The following ADAMTSL1 variants were observed in gnomAD, a reference collection of about 807,000 sequenced individuals.
ADAMTSL1 encodes the protein ADAMTS like 1.
In ADAMTSL1, 126 loss-of-function variants were observed where a neutral mutation model predicts 201.8. The ratio of observed to expected loss-of-function variants is 0.62; its 90% CI spans 0.54 to 0.72. ADAMTSL1 has a LOEUF of 0.72. ADAMTSL1 is among the 30% of genes least tolerant of loss of function. ADAMTSL1 has a pLI of 0.00. For missense variants in ADAMTSL1, 2,679 were observed against 2,277.8 expected (o/e 1.18, Z -3.59); for synonymous variants, 1,121 against 903.4 (o/e 1.24, Z -4.32).
At chr9:18,411,544 T>G (rs1024666075) in intron 2 of ADAMTSL1, among the ~76,000 whole-genome samples, 1 of 152,170 alleles carries the variant, frequency 6.6e-6, no homozygotes, top group Non-Finnish European at 1.5e-5. Context: ...ATTTTTTCAA[T>G]CAGTTCAAAA....
chr9:18,113,037 G>A (rs1026703362), intron 1 of ADAMTSL1, among the ~76,000 whole-genome samples: 1 of 152,144 alleles, frequency 6.6e-6, no homozygotes, highest in African/African-American at 2.4e-5. Context: ...TTTAAAAAAG[G>A]GAGTTAGCTA....
intron 19 of ADAMTSL1, among the ~76,000 whole-genome samples, chr9:18,789,128 C>T (rs1304450818): frequency 6.6e-6 from 1 of 152,136 alleles, no homozygotes; most frequent in African/African-American, 2.4e-5. Flanking sequence ...CTCATTTCCC[C>T]ATGTCTTCAC....
At chr9:18,718,999 G>C (rs1344775244) in intron 14 of ADAMTSL1, among the ~76,000 whole-genome samples, 1 of 152,180 alleles carries the variant, frequency 6.6e-6, no homozygotes, top group Non-Finnish European at 1.5e-5. Flanking sequence ...GGGATAGAAA[G>C]CTACATCCAG....
At chr9:17,946,983 G>A (rs1827515585) in intron 1 of ADAMTSL1, among the ~76,000 whole-genome samples, 1 of 151,966 alleles carries the variant, frequency 6.6e-6, no homozygotes, top group African/African-American at 2.4e-5. Context: ...TTACAAAATA[G>A]TTCTACAAGT....
At chr9:18,890,862 A>C in intron 25 of ADAMTSL1, 1 of 292,402 alleles carries the variant, frequency 3.4e-6, no homozygotes. Context: ...TGAAGAAGAG[A>C]TCTTTGATGT....
chr9:18,222,328 T>C lies in ADAMTSL1; in HGVS notation c.207+58347T>C, dbSNP rs569924741. 2.6e-4 allele frequency among the ~76,000 whole-genome samples: 40 copies of C among 152,016 alleles called. No individual in the cohort carries two copies. In the South Asian group the frequency reaches 8.3e-3, roughly 32 times the overall value. Reference sequence around the variant, plus strand: ...ATTTTCATAATTTCTATTTTATCTGTTACTTTTTTGTTGCTACCTTTGGCT... The same window carrying C: ...ATTTTCATAATTTCTATTTTATCTGCTACTTTTTTGTTGCTACCTTTGGCT... On this transcript the variant is annotated intron_variant, in intron 2 of 29. Coordinates refer to the ADAMTSL1 transcript ENST00000680146.
intron 23 of ADAMTSL1, among the ~76,000 whole-genome samples, chr9:18,875,622 T>G (rs1406552486): frequency 6.6e-6 from 1 of 152,202 alleles, no homozygotes; most frequent in Non-Finnish European, 1.5e-5. Context: ...GTACTTGATA[T>G]AATTTTGATT....
intron 15 of ADAMTSL1, among the ~76,000 whole-genome samples, chr9:18,728,535 A>G (rs541560277): frequency 6.6e-6 from 1 of 152,326 alleles, no homozygotes; most frequent in South Asian, 2.1e-4. Flanking sequence ...GGATAACGAG[A>G]AGACAAAACC....
chr9:18,722,850 C>G (rs1342712047), intron 15 of ADAMTSL1, among the ~76,000 whole-genome samples: 1 of 152,218 alleles, frequency 6.6e-6, no homozygotes, highest in African/African-American at 2.4e-5. Context: ...AAGATAGAGT[C>G]AAAGTCAGGT....
intron 28 of ADAMTSL1, chr9:18,907,703 T>G (rs2131631364): frequency 6.5e-6 from 1 of 152,716 alleles, no homozygotes; most frequent in East Asian, 1.9e-4. Context: ...CGCTGGGGGA[T>G]GGATGATCTT....
intron 2 of ADAMTSL1, among the ~76,000 whole-genome samples, chr9:18,264,237 A>G (rs73643211): frequency 0.041 from 6,290 of 152,212 alleles, 450 homozygotes; most frequent in African/African-American, 0.14. Context: ...ACCTTCAAAT[A>G]TAGTTTCTTT....
intron 7 of ADAMTSL1, among the ~76,000 whole-genome samples, chr9:18,648,621 G>A (rs1587793841): frequency 6.6e-6 from 1 of 151,508 alleles, no homozygotes; most frequent in Non-Finnish European, 1.5e-5. Flanking sequence ...TGTCTATAAA[G>A]TATTTTATTT....
chr9:18,204,254 G>A (rs943864655), intron 2 of ADAMTSL1, among the ~76,000 whole-genome samples: 2 of 152,086 alleles, frequency 1.3e-5, no homozygotes, highest in Non-Finnish European at 2.9e-5. Flanking sequence ...GATCATGGGG[G>A]TGGTTTCCCT....
At chr9:18,635,838 A>T in intron 5 of ADAMTSL1, 105 bp from the exon 6 acceptor site, 1 of 906,622 alleles carries the variant, frequency 1.1e-6, no homozygotes, top group Non-Finnish European at 1.7e-6. Context: ...CACTTAAAAA[A>T]ACTGTAGTTT....
rs1453550095 is a variant in ADAMTSL1 at position 18,077,724 on chromosome 9, A to C, written c.88-86138A>C. 2.0e-5 allele frequency among the ~76,000 whole-genome samples: 3 copies of C among 152,086 alleles called. No homozygotes were observed. The South Asian group carries it at 6.2e-4, about 32-fold the overall frequency. On this transcript the variant is annotated intron_variant, in intron 1 of 29. Transcript: ENST00000680146. The stretch of plus-strand genomic sequence containing the variant: ...GAGAAATGGAAAAAGCTGCAGACTA[A>C]CGTGGGGTCCAAGGAGGACTTTAAA...
chr9:18,113,260 G>T (rs1825108690), intron 1 of ADAMTSL1, among the ~76,000 whole-genome samples: 1 of 152,168 alleles, frequency 6.6e-6, no homozygotes, highest in Admixed American at 6.5e-5. Context: ...ACTGACTAAT[G>T]ACAGTGGCAG....
At chr9:18,120,377 C>G (rs1462871087) in intron 1 of ADAMTSL1, among the ~76,000 whole-genome samples, 1 of 152,158 alleles carries the variant, frequency 6.6e-6, no homozygotes, top group African/African-American at 2.4e-5. Context: ...TTGCTCAAAT[C>G]TGTTCATCAC....
intron 2 of ADAMTSL1, among the ~76,000 whole-genome samples, chr9:18,337,187 G>A (rs535918098): frequency 1.3e-5 from 2 of 152,182 alleles, no homozygotes; most frequent in Admixed American, 6.5e-5. Context: ...GCTGAAGAAC[G>A]TGGAAGGACC....
chr9:18,725,016 C>T (rs976758692), intron 15 of ADAMTSL1, among the ~76,000 whole-genome samples: 4 of 151,920 alleles, frequency 2.6e-5, no homozygotes, highest in Non-Finnish European at 4.4e-5. Context: ...ACACCATTCT[C>T]CTGCTTCAGC....
Sources: allele counts gnomAD v4.1 joint callset (sites outside exome capture counted in the v4.1 genomes callset), GRCh38; gene constraint gnomAD v4.1.1; transcripts MANE v1.5; gene names NCBI Gene and HGNC (gene_info 2026-07-23, HGNC 2026-07-21).